Variants in NLRP11 observed in about 807,000 individuals in gnomAD.
NLRP11 encodes NACHT, LRR and PYD domains-containing protein 11.
NLRP11 carries 53 observed loss-of-function variants against 79.3 expected under a neutral mutation model. The observed-to-expected ratio is 0.67, with a 90% CI of 0.54 to 0.84. The LOEUF (loss-of-function observed/expected upper bound fraction) is 0.84. NLRP11 is among the 40% of genes least tolerant of loss of function. The pLI is 0.00. For missense variants in NLRP11, 1,264 were observed against 1,255.0 expected (o/e 1.01, Z -0.11); for synonymous variants, 518 against 462.6 (o/e 1.12, Z -1.54).
At chr19:55,824,080 C>G (rs1178535615) in intron 1 of NLRP11, among the ~76,000 whole-genome samples, 13 of 111,690 alleles carry the variant, frequency 1.2e-4, no homozygotes, top group African/African-American at 6.1e-4. Flanking sequence ...AGAAACCCTA[C>G]AAGCCAGAAG....
At chr19:55,832,802 G>C (rs1408602322), upstream of NLRP11, 1 of 152,132 alleles carries the variant, frequency 6.6e-6, no homozygotes, top group Non-Finnish European at 1.5e-5. Context: ...TCTCATAATG[G>C]ACGGGAAAGT....
intron 2 of NLRP11, among the ~76,000 whole-genome samples, chr19:55,814,111 C>T (rs947021339): frequency 1.3e-5 from 2 of 152,132 alleles, no homozygotes; most frequent in African/African-American, 2.4e-5. Context: ...CACCTGGGTT[C>T]TGCCTCCTGT....
chr19:55,811,132 C>T (rs759382590), intron 2 of NLRP11, among the ~76,000 whole-genome samples: 27 of 152,170 alleles, frequency 1.8e-4, no homozygotes, highest in Admixed American at 3.3e-4. Flanking sequence ...TTATGCATAT[C>T]ATTACTGAAA....
intron 2 of NLRP11, among the ~76,000 whole-genome samples, chr19:55,813,500 A>G (rs1980802104): frequency 6.6e-6 from 1 of 152,170 alleles, no homozygotes; most frequent in African/African-American, 2.4e-5. Flanking sequence ...GGAGCAGTCT[A>G]TGTAAGTACT....
At chr19:55,789,253 G>C (rs143293675) in exon 8 of NLRP11, 4 of 1,613,168 alleles carry the variant, frequency 2.5e-6, no homozygotes, top group Non-Finnish European at 3.4e-6. Flanking sequence ...CATGCAGTTG[G>C]GATGTCTCAA....
At chr19:55,817,397 T>C (rs765582051) in intron 2 of NLRP11, among the ~76,000 whole-genome samples, 1 of 151,946 alleles carries the variant, frequency 6.6e-6, no homozygotes, top group Non-Finnish European at 1.5e-5. Context: ...CAATTCGCAA[T>C]TGCAAAAATA....
chr19:55,800,155 C>T (rs73618837), intron 5 of NLRP11, among the ~76,000 whole-genome samples: 9,550 of 152,026 alleles, frequency 0.063, 334 homozygotes, highest in African/African-American at 0.093. Flanking sequence ...AGAGTACAAG[C>T]GAAATGTACT....
Position 55,809,279 on chromosome 19 carries a change from T to C in NLRP11, c.1331A>G (p.Asp444Gly), listed in dbSNP as rs1231869085. The change falls in exon 3 of 10, where the codon GAC becomes GGC. Residue 444 changes from aspartate to glycine, a missense_variant. Transcript: ENST00000589093. This position sits in a 1 kb window ranked among gnomAD's most constrained non-coding sequence, Gnocchi z 4.5. ...GTTCAAGTGTATGAACTTGTAACGGTCTTTATGAGTGTTGCTCGGCAAAAG... is the reference window on the plus strand; with the variant it reads ...GTTCAAGTGTATGAACTTGTAACGGCCTTTATGAGTGTTGCTCGGCAAAAG... 6.2e-7 allele frequency: 1 copy of C among 1,613,964 alleles called. No individual in the cohort carries two copies. The highest frequency in any genetic ancestry group is 8.5e-7 in the Non-Finnish European group (1 of 1,179,916).
chr19:55,835,654 C>T (rs960791647), upstream of NLRP11, among the ~76,000 whole-genome samples: 2 of 142,306 alleles, frequency 1.4e-5, no homozygotes, highest in African/African-American at 2.7e-5. Flanking sequence ...CCAGCCTGGC[C>T]AACATGGTGA....
At chr19:55,788,498 C>T (rs906386075) in intron 9 of NLRP11, among the ~76,000 whole-genome samples, 5 of 151,366 alleles carry the variant, frequency 3.3e-5, no homozygotes, top group Non-Finnish European at 5.9e-5. Flanking sequence ...CCCAGCACTT[C>T]GGGAGGCCAA....
At chr19:55,830,599 A>T (rs865961004) in intron 1 of NLRP11, among the ~76,000 whole-genome samples, 41 of 58,484 alleles carry the variant, frequency 7.0e-4, no homozygotes, top group South Asian at 1.4e-3. Context: ...TTAGCTTCCT[A>T]AAAAAAAAAA....
At chr19:55,792,906 C>T (rs1367550040) in intron 6 of NLRP11, among the ~76,000 whole-genome samples, 1 of 152,180 alleles carries the variant, frequency 6.6e-6, no homozygotes, top group African/African-American at 2.4e-5. Flanking sequence ...ACAGACGGCA[C>T]ACCAGAAGCC....
At chr19:55,801,469 C>CA (rs1318950754) in intron 5 of NLRP11, 103 bp downstream of exon 5, 5 of 836,026 alleles carry the variant, frequency 6.0e-6, no homozygotes, top group Non-Finnish European at 9.6e-6. Context: ...TGAGTGACAT[C>CA]AAAAGGTAGG....
intron 6 of NLRP11, among the ~76,000 whole-genome samples, chr19:55,795,117 T>C (rs1393294839): frequency 6.6e-6 from 1 of 152,176 alleles, no homozygotes; most frequent in Non-Finnish European, 1.5e-5. Flanking sequence ...TTTTGTACCT[T>C]TATGCCTCAC....
At position 55,795,521 on chromosome 19, in the gene NLRP11, G is replaced by A. The variant is rs533209948; in HGVS notation, c.2342+559C>T. On this transcript the variant is annotated intron_variant, in intron 6 of 9. Coordinates refer to ENST00000589093, the Ensembl canonical transcript of NLRP11. ...TTTATTTTTTTTGAGACAGAGCCTC[G>A]CTCTGTCACCCAGGCTGGAGTGCAG... is the stretch of plus-strand genomic sequence containing the variant. 4.5e-4 allele frequency among the ~76,000 whole-genome samples: 69 copies of A among 151,748 alleles called. 2 individuals are homozygous for A. The South Asian group carries it at 0.013, about 29-fold the overall frequency.
chr19:55,809,882 C>T lies in NLRP11; in HGVS notation c.728G>A (p.Ser243Asn). ...CTGGGTGCTGTTACTACACAAAGCACTTTCATTGACATTTAACTCGAATCT... is the reference window on the plus strand; with the variant it reads ...CTGGGTGCTGTTACTACACAAAGCATTTTCATTGACATTTAACTCGAATCT... Residue 243 changes from serine to asparagine, a missense_variant, in exon 3 of 10, where the codon AGT (serine) becomes AAT (asparagine). Coordinates refer to ENST00000589093, the Ensembl canonical transcript of NLRP11. This position sits in a 1 kb window ranked among gnomAD's most constrained non-coding sequence, Gnocchi z 4.5. The T allele has an allele frequency of 6.2e-7, 1 of 1,614,170 alleles. No individual in the cohort carries two copies. Among genetic ancestry groups the T allele is most frequent in the Non-Finnish European group, 8.5e-7 (1 of 1,180,030 alleles).
At chr19:55,827,403 A>C (rs1600205999) in intron 1 of NLRP11, among the ~76,000 whole-genome samples, 1 of 150,768 alleles carries the variant, frequency 6.6e-6, no homozygotes, top group Non-Finnish European at 1.5e-5. Context: ...ACAAAAGCCA[A>C]AATTGACAAA....
chr19:55,832,340 C>T (rs910077474), upstream of NLRP11, among the ~76,000 whole-genome samples: 5 of 152,224 alleles, frequency 3.3e-5, no homozygotes, highest in African/African-American at 1.2e-4. Context: ...CAGTAAGCTC[C>T]ATGAGGGGAA....
At position 55,791,716 on chromosome 19, in the gene NLRP11, C is replaced by T. The variant is rs538246085; in HGVS notation, c.2513+585G>A. Among the ~76,000 whole-genome samples, 16 of 151,948 alleles carry T rather than the reference C, an allele frequency of 1.1e-4. 1 individual carries two copies. In the South Asian group the frequency reaches 2.3e-3, roughly 22 times the overall value. ...GAGAATCACTACTTCTGAGAAAATA[C>T]GAGAAGTTTGATTATTCAGCATCAT... On this transcript the variant is annotated intron_variant, in intron 7 of 9. Coordinates refer to ENST00000589093, the Ensembl canonical transcript of NLRP11.
Sources: gnomAD v4.1 joint callset for allele counts (sites outside exome capture counted in the v4.1 genomes callset) on GRCh38, gnomAD v4.1.1 for gene constraint, Gnocchi (gnomAD v3.1) non-coding constraint, MANE v1.5 for transcripts, NCBI Gene and HGNC (gene_info 2026-07-23, HGNC 2026-07-21) for gene names.